The following CNTNAP1 variants were observed in gnomAD, a reference collection of about 807,000 sequenced individuals.
CNTNAP1 encodes the protein contactin associated protein 1.
In CNTNAP1, 80 loss-of-function variants were observed where a neutral mutation model predicts 161.5. The ratio of observed to expected loss-of-function variants is 0.50; its 90% CI spans 0.41 to 0.60. The LOEUF is 0.60. CNTNAP1 is among the 20% of genes least tolerant of loss of function. The pLI is 0.00. For missense variants in CNTNAP1, 1,464 were observed against 1,854.8 expected, an observed-to-expected ratio of 0.79 and a Z score of 3.87; for synonymous variants, 695 against 733.1, an observed-to-expected ratio of 0.95 and a Z score of 0.84.
rs761624632 is a variant in CNTNAP1 at position 42,685,449 on chromosome 17, A to AG, written c.715+30dup. ...AGCTCGGCGACCATGTGCGATGCGG[A>AG]GCCAACCCCTGAAGCTCTCTCACCG... On this transcript the variant is annotated intron_variant, in intron 5 of 23. Coordinates refer to ENST00000264638, the MANE Select transcript of CNTNAP1 (RefSeq NM_003632.3). This position sits in a 1 kb window ranked among gnomAD's most constrained non-coding sequence, Gnocchi z 5.0. 1.3e-6 allele frequency: 2 copies of AG among 1,584,148 alleles called. No individual in the cohort carries two copies. Among genetic ancestry groups the AG allele is most frequent in the Admixed American group, 3.4e-5 (2 of 58,860 alleles).
chr17:42,684,930 A>G, intron 3 of CNTNAP1, 61 bp from the exon 4 acceptor site: 1 of 1,577,994 alleles, frequency 6.3e-7, no homozygotes, highest in East Asian at 2.3e-5. Flanking sequence ...GTCTCAAAAA[A>G]TAAAATAAAA....
Position 42,685,185 on chromosome 17 carries a change from A to G in CNTNAP1, c.512-32A>G. 1 of 1,611,586 alleles carries G rather than the reference A, an allele frequency of 6.2e-7. No homozygotes were observed. The highest frequency in any genetic ancestry group is 8.5e-7 in the Non-Finnish European group (1 of 1,178,642). On this transcript the variant is annotated intron_variant, in intron 4 of 23. Transcript: ENST00000264638. The surrounding 1 kb of genome is among the most constrained non-coding windows in gnomAD (Gnocchi z 5.0). The stretch of plus-strand genomic sequence containing the variant: ...AGGGGGCCTGGGAGACAGCCTCCCC[A>G]GTTCCCGGCCCACCTACGGTCCTTT...
chr17:42,692,052 G>C, intron 16 of CNTNAP1, 61 bp downstream of exon 16: 1 of 1,546,328 alleles, frequency 6.5e-7, no homozygotes, highest in Non-Finnish European at 8.8e-7. Context: ...GGGGAGACAG[G>C]GGTAGGCTGG....
chr17:42,686,214 T>C, intron 6 of CNTNAP1, 73 bp downstream of exon 6: 1 of 1,451,928 alleles, frequency 6.9e-7, no homozygotes, highest in African/African-American at 1.4e-5. Context: ...GGTCTCTCCC[T>C]TTCTCTTTTC....
At position 42,686,477 on chromosome 17, in the gene CNTNAP1, T is replaced by TG. The variant is rs1555642235; in HGVS notation, c.900+336_900+337insG. On this transcript the variant is annotated intron_variant, in intron 6 of 23. Transcript: ENST00000264638. ...TCACCAGAAAAAGGCCTGTTTTTTT[T>TG]TTTTTTTTTTTTTTTTGTGGGTGTT... Among the ~76,000 whole-genome samples, 233 of 87,976 alleles carry TG rather than the reference T, an allele frequency of 2.6e-3. 2 individuals are homozygous for TG. Among genetic ancestry groups the TG allele is most frequent in the African/African-American group, 4.5e-3 (101 of 22,478 alleles). The allele number at this position is 87,976 out of a possible 152,430, so 57.7% of individuals were successfully genotyped here.
At position 42,697,670 on chromosome 17, in the gene CNTNAP1, C is replaced by T. The variant is rs774144532; in HGVS notation, c.3685C>T (p.Arg1229Ter). The change falls in exon 22 of 24, where the codon CGA (arginine) becomes TGA (stop). Residue 1229 changes from arginine (R) to a stop codon, truncating the protein, a stop_gained. Transcript: ENST00000264638. LOFTEE classifies it high-confidence loss of function. ...CCTCAAGACCCACTTCCGAACCCCT[C>T]GACCCATGACTGCTGAGCTAGCTGA... Reference protein sequence around the residue: ...APLKTHFRTPRPMTAELAEAL... With the variant: ...APLKTHFRTP 6.2e-7 allele frequency: 1 copy of T among 1,614,156 alleles called. No homozygotes were observed. The highest frequency in any genetic ancestry group is 1.3e-5 in the African/African-American group (1 of 75,040).
At chr17:42,686,468 T>TG (rs1240819234) in intron 6 of CNTNAP1, among the ~76,000 whole-genome samples, 8 of 113,046 alleles carry the variant, frequency 7.1e-5, no homozygotes, top group African/African-American at 3.2e-4. Context: ...GAAAAAGGCC[T>TG]GTTTTTTTTT....
rs2143663696 is a variant in CNTNAP1, at chr17:42,691,185, T to A, written c.2108T>A (p.Phe703Tyr). 1 of 1,614,132 alleles carries A rather than the reference T, an allele frequency of 6.2e-7. No homozygotes were observed. The highest frequency in any genetic ancestry group is 1.1e-5 in the South Asian group (1 of 91,086). Residue 703 changes from phenylalanine (F) to tyrosine (Y), a missense_variant, in exon 14 of 24, where the codon TTC becomes TAC. Physicochemically the swap from Phe to Tyr is conservative, Grantham distance 22. This residue lies in a region of CNTNAP1 where 1,383 missense variants were observed against 1,765.0 expected (regional missense o/e 0.78). Coordinates refer to ENST00000264638, the MANE Select transcript of CNTNAP1 (RefSeq NM_003632.3). This position sits in a 1 kb window ranked among gnomAD's most constrained non-coding sequence, Gnocchi z 4.3. ...FWIGRNEEQH[F>Y]YWGGSQPGIQ... The stretch of plus-strand genomic sequence containing the variant: ...ATTGGCCGAAATGAGGAGCAGCACT[T>A]CTACTGGGGAGGCTCCCAGCCTGGG...
In CNTNAP1 at chr17:42,686,929, C is replaced by T. The variant is rs764359352; in HGVS notation, c.927C>T (p.Ala309=). 3.1e-6 allele frequency: 5 copies of T among 1,611,910 alleles called. No individual in the cohort carries two copies. In the South Asian group the frequency reaches 4.4e-5, roughly 14 times the overall value. ...TGTTCATCGGAGGTCTGGTGGGCGC[C>T]GCGCGGAAGAACCTGGCCTATCGGC... ...TEMFIGGLVG[A]ARKNLAYRHN... Residue 309 remains alanine, a synonymous_variant, in exon 7 of 24, where the codon GCC becomes GCT. Coordinates refer to ENST00000264638, the MANE Select transcript of CNTNAP1 (RefSeq NM_003632.3).
intron 2 of CNTNAP1, 27 bp from the exon 3 acceptor site, chr17:42,684,009 C>CTATAGAAAGGACAG: frequency 6.2e-7 from 1 of 1,613,326 alleles, no homozygotes. Context: ...GAGGGATAGC[C>CTATAGAAAGGACAG]GGTTAAAGCT....
At chr17:42,693,162 T>C in intron 17 of CNTNAP1, 135 bp from the exon 18 acceptor site, 2 of 1,060,018 alleles carry the variant, frequency 1.9e-6, no homozygotes, top group Non-Finnish European at 2.7e-6. Context: ...GGTTTCATCA[T>C]GTTAGCCAGG....
chr17:42,688,076 G>C, intron 8 of CNTNAP1, 95 bp downstream of exon 8: 1 of 1,498,476 alleles, frequency 6.7e-7, no homozygotes. Context: ...ACATTCTGGA[G>C]AGGGGAGAGG....
Position 42,691,650 on chromosome 17 carries a change from T to C in CNTNAP1, c.2344+139T>C. 1 of 1,376,744 alleles carries C rather than the reference T, an allele frequency of 7.3e-7. No homozygotes were observed. Among genetic ancestry groups the C allele is most frequent in the Non-Finnish European group, 1.0e-6 (1 of 991,818 alleles). The allele number at this position is 1,376,744 out of a possible 1,614,324, so 85.3% of individuals were successfully genotyped here. On this transcript the variant is annotated intron_variant, in intron 15 of 23. Coordinates refer to ENST00000264638, the MANE Select transcript of CNTNAP1 (RefSeq NM_003632.3). The surrounding 1 kb of genome is among the most constrained non-coding windows in gnomAD (Gnocchi z 4.3). The stretch of plus-strand genomic sequence containing the variant: ...CTGTGATGCGATCTCATTACCCCTC[T>C]GCACCTGGCTCCTCTTTCATTCCAC...
Position 42,691,261 on chromosome 17 carries a change from G to A in CNTNAP1, c.2184G>A (p.Leu728=). ...GLDRSCVDPA[L]YCNCDADQPQ... The stretch of plus-strand genomic sequence containing the variant: ...ACCGGAGCTGTGTGGACCCTGCCTT[G>A]TACTGCAACTGTGACGCTGACCAGC... Residue 728 remains leucine (L), a synonymous_variant, in exon 14 of 24, where the codon TTG becomes TTA. Coordinates refer to ENST00000264638, the MANE Select transcript of CNTNAP1 (RefSeq NM_003632.3). The surrounding 1 kb of genome is among the most constrained non-coding windows in gnomAD (Gnocchi z 4.3). 1 of 1,614,198 alleles carries A rather than the reference G, an allele frequency of 6.2e-7. No homozygotes were observed. The highest frequency in any genetic ancestry group is 8.5e-7 in the Non-Finnish European group (1 of 1,180,024).
chr17:42,689,419 G>T (rs1450284347), intron 10 of CNTNAP1, 102 bp from the exon 11 acceptor site: 10 of 920,260 alleles, frequency 1.1e-5, no homozygotes, highest in Non-Finnish European at 1.7e-6. Context: ...GTCTCACCGG[G>T]TTCTGGGGCT....
At position 42,689,009 on chromosome 17, in the gene CNTNAP1, T is replaced by C. The variant is rs2053053428; in HGVS notation, c.1590T>C (p.Tyr530=). 6 of 1,607,006 alleles carry C rather than the reference T, an allele frequency of 3.7e-6. No individual in the cohort carries two copies. In the African/African-American group the frequency reaches 6.7e-5, roughly 18 times the overall value. The change falls in exon 10 of 24, where the codon TAT becomes TAC. Residue 530 remains tyrosine (Y), a synonymous_variant. Transcript: ENST00000264638. The part of the protein sequence containing the change: ...TLVEGRRLGF[Y]AEVLFDTCGI... ...TGGAGGGCCGGCGGCTTGGATTCTA[T>C]GCTGAGGTCCTCTTTGATACATGTG... is the stretch of plus-strand genomic sequence containing the variant.
chr17:42,684,223 C>A lies in CNTNAP1; in HGVS notation c.357C>A (p.His119Gln). The A allele has an allele frequency of 6.2e-7, 1 of 1,611,194 alleles. No homozygotes were observed. The highest frequency in any genetic ancestry group is 8.5e-7 in the Non-Finnish European group (1 of 1,177,930). ...GGACACCGTTCTACCAGCGAGGGCA[C>A]AACTCGGTACTCTGGGCGCCAAGGC... is the stretch of plus-strand genomic sequence containing the variant. ...DSWTPFYQRG[H>Q]NSTFFGNVNE... Residue 119 changes from histidine (H) to glutamine (Q), a missense_variant, in exon 3 of 24, where the codon CAC (histidine) becomes CAA (glutamine). His to Gln is a conservative substitution (Grantham distance 24, BLOSUM62 0). Transcript: ENST00000264638.
At chr17:42,697,246 GCCCTCC>G (rs746278364) in intron 20 of CNTNAP1, 22 bp from the exon 21 acceptor site, 43 of 1,525,486 alleles carry the variant, frequency 2.8e-5, no homozygotes, top group South Asian at 3.4e-5. Flanking sequence ...CTCCCTCATC[GCCCTCC>G]CCCTCCCCCT....
chr17:42,691,161 T>C lies in CNTNAP1; in HGVS notation c.2084T>C (p.Ile695Thr), dbSNP rs1036815066. ...TAGGYPYSFW[I>T]GRNEEQHFYW... ...GGAGGCTACCCCTACAGCTTTTGGATTGGCCGAAATGAGGAGCAGCACTTC... is the reference window on the plus strand; with the variant it reads ...GGAGGCTACCCCTACAGCTTTTGGACTGGCCGAAATGAGGAGCAGCACTTC... The change falls in exon 14 of 24, where the codon ATT becomes ACT. Residue 695 changes from isoleucine (I) to threonine (T), a missense_variant. Around this residue, in one of 3 missense-constraint regions of CNTNAP1, gnomAD observed 1,383 missense variants for 1,765.0 expected, o/e 0.78. Coordinates refer to ENST00000264638, the MANE Select transcript of CNTNAP1 (RefSeq NM_003632.3). This position sits in a 1 kb window ranked among gnomAD's most constrained non-coding sequence, Gnocchi z 4.3. 1.9e-6 allele frequency: 3 copies of C among 1,614,022 alleles called. No homozygotes were observed. Among genetic ancestry groups the C allele is most frequent in the South Asian group, 2.2e-5 (2 of 91,082 alleles).
Sources: gnomAD v4.1 joint callset for allele counts (sites outside exome capture counted in the v4.1 genomes callset) on GRCh38, gnomAD v4.1.1 for gene constraint, gnomAD v4.1.1 regional missense constraint, Gnocchi (gnomAD v3.1) non-coding constraint, MANE v1.5 for transcripts, NCBI Gene and HGNC (gene_info 2026-07-23, HGNC 2026-07-21) for gene names.